Variants in TYK2 observed in about 807,000 individuals in gnomAD.
TYK2 encodes non-receptor tyrosine-protein kinase TYK2.
Under a neutral mutation model 130.9 loss-of-function variants are expected in TYK2, and 65 were observed. The ratio of observed to expected loss-of-function variants is 0.50; its 90% CI spans 0.41 to 0.61. The LOEUF (loss-of-function observed/expected upper bound fraction) is 0.61, where lower values mean the gene tolerates loss of function less well. Among genes scored for constraint, TYK2 ranks in the 20% least tolerant of loss-of-function variants. The pLI is 0.00. For synonymous variants in TYK2, 647 were observed against 658.9 expected, an observed-to-expected ratio of 0.98 and a Z score of 0.28; for missense variants, 1,378 against 1,610.7, an observed-to-expected ratio of 0.86 and a Z score of 2.47.
At chr19:10,370,169 G>A (rs947256969) in intron 3 of TYK2, among the ~76,000 whole-genome samples, 21 of 151,654 alleles carry the variant, frequency 1.4e-4, no homozygotes, top group Admixed American at 8.6e-4. Context: ...CGAGACCAGC[G>A]TGGCCAGCAT....
At position 10,365,797 on chromosome 19, in the gene TYK2, T is replaced by A. The variant is rs1027570271; in HGVS notation, c.731A>T (p.Asp244Val). Residue 244 changes from aspartate (D) to valine (V), a missense_variant, in exon 7 of 25, where the codon GAC becomes GTC. Asp to Val is a radical substitution (Grantham distance 152). Transcript: ENST00000525621. ...LRNVFRRFLR[D>V]FQPGRLSQQM... ...CTGGGAGAGTCGGCCCGGCTGGAAG[T>A]CCCGCAGGAACCTGCGGAAGACGTT... The A allele has an allele frequency of 6.2e-7, 1 of 1,612,206 alleles. No homozygotes were observed. Among genetic ancestry groups the A allele is most frequent in the Non-Finnish European group, 8.5e-7 (1 of 1,179,716 alleles).
Position 10,353,698 on chromosome 19 carries a change from G to T in TYK2, c.2909-52C>A. On this transcript the variant is annotated intron_variant, in intron 20 of 24. Coordinates refer to ENST00000525621, the MANE Select transcript of TYK2 (RefSeq NM_003331.5). The surrounding 1 kb of genome is among the most constrained non-coding windows in gnomAD (Gnocchi z 6.9). ...GGGGGACGATAGAGGGCGGGCCGGGGACCGCCTACCTTGAGCCCAGCAGAG... is the reference window on the plus strand; with the variant it reads ...GGGGGACGATAGAGGGCGGGCCGGGTACCGCCTACCTTGAGCCCAGCAGAG... The T allele has an allele frequency of 2.2e-6, 3 of 1,367,406 alleles. No homozygotes were observed. The highest frequency in any genetic ancestry group is 2.9e-6 in the Non-Finnish European group (3 of 1,023,154). The allele number at this position is 1,367,406 out of a possible 1,614,324, so 84.7% of individuals were successfully genotyped here. A position where few individuals can be genotyped will look rare whatever the true frequency, so the allele number is the denominator to read the frequency against.
intron 17 of TYK2, chr19:10,357,142 A>C (rs1412620966): frequency 2.6e-6 from 1 of 381,954 alleles, no homozygotes. Context: ...TAATCCCAGC[A>C]CTTTGGGAGG....
chr19:10,356,465 C>T, intron 18 of TYK2, 103 bp downstream of exon 18: 2 of 1,485,664 alleles, frequency 1.3e-6, no homozygotes, highest in Admixed American at 3.5e-5. Context: ...TTGGCACACA[C>T]CCTGAACCAC....
intron 15 of TYK2, 129 bp downstream of exon 15, chr19:10,359,046 G>A (rs962767024): frequency 5.5e-6 from 7 of 1,275,772 alleles, no homozygotes; most frequent in Non-Finnish European, 7.7e-6. Flanking sequence ...CTGGGTGACA[G>A]GGCGAAACTC....
intron 3 of TYK2, chr19:10,369,766 G>A (rs573024480): frequency 4.2e-5 from 19 of 453,180 alleles, no homozygotes; most frequent in South Asian, 7.8e-5. Context: ...CCTGTCGGCC[G>A]GGCGCAGTGG....
At chr19:10,352,263 C>CA (rs2040845223) in intron 23 of TYK2, among the ~76,000 whole-genome samples, 171 bp downstream of exon 23, 1 of 145,462 alleles carries the variant, frequency 6.9e-6, no homozygotes, top group Non-Finnish European at 1.5e-5. Context: ...TTAGTAGAGA[C>CA]GGGTTTCACC....
intron 5 of TYK2, among the ~76,000 whole-genome samples, chr19:10,367,254 C>T (rs2041703763): frequency 6.6e-6 from 1 of 152,094 alleles, no homozygotes; most frequent in South Asian, 2.1e-4. Context: ...GCCAAATACA[C>T]AGCATACACC....
intron 3 of TYK2, among the ~76,000 whole-genome samples, chr19:10,377,988 G>A (rs1215841217): frequency 2.2e-5 from 3 of 134,808 alleles, no homozygotes; most frequent in African/African-American, 8.5e-5. Flanking sequence ...GTGGATGGGT[G>A]GATGGGAGGA....
chr19:10,353,692 G>A lies in TYK2; in HGVS notation c.2909-46C>T. 7.3e-7 allele frequency: 1 copy of A among 1,364,254 alleles called. No homozygotes were observed. The highest frequency in any genetic ancestry group is 9.8e-7 in the Non-Finnish European group (1 of 1,018,152). The allele number at this position is 1,364,254 out of a possible 1,614,324, so 84.5% of individuals were successfully genotyped here. ...CCCGGTGGGGGACGATAGAGGGCGG[G>A]CCGGGGACCGCCTACCTTGAGCCCA... On this transcript the variant is annotated intron_variant, in intron 20 of 24. Coordinates refer to ENST00000525621, the MANE Select transcript of TYK2 (RefSeq NM_003331.5). The surrounding 1 kb of genome is among the most constrained non-coding windows in gnomAD (Gnocchi z 6.9).
intron 22 of TYK2, among the ~76,000 whole-genome samples, 176 bp downstream of exon 22, chr19:10,352,750 G>A (rs983073661): frequency 2.0e-5 from 3 of 152,136 alleles, no homozygotes; most frequent in African/African-American, 7.2e-5. Context: ...CGCCCACCAG[G>A]CCAAGCCGCA....
At chr19:10,366,664 T>G (rs1453235898) in intron 5 of TYK2, 84 bp from the exon 6 acceptor site, 133 of 1,447,560 alleles carry the variant, frequency 9.2e-5, no homozygotes, top group Non-Finnish European at 1.2e-4. Context: ...CTGGCTACCC[T>G]GGACCACACT....
intron 3 of TYK2, among the ~76,000 whole-genome samples, chr19:10,374,409 C>A (rs970627369): frequency 4.0e-5 from 6 of 149,700 alleles, no homozygotes; most frequent in Admixed American, 6.7e-5. Context: ...CATGGTGAAA[C>A]CCCCGTCTCT....
chr19:10,361,561 G>A lies in TYK2; in HGVS notation c.1997C>T (p.Ser666Phe). The change falls in exon 14 of 25, where the codon TCC (serine) becomes TTC (phenylalanine). Residue 666 changes from serine (S) to phenylalanine (F), a missense_variant. Coordinates refer to ENST00000525621, the MANE Select transcript of TYK2 (RefSeq NM_003331.5). The surrounding 1 kb of genome is among the most constrained non-coding windows in gnomAD (Gnocchi z 4.0). ...ATGCACGAAGGCCAGGTGCGTGTGG[G>A]AGACCTGGCTCATGAGGCTGGCTGT... ...YETASLMSQV[S>F]HTHLAFVHGV... The A allele has an allele frequency of 1.3e-6, 2 of 1,548,676 alleles. No individual in the cohort carries two copies. The highest frequency in any genetic ancestry group is 1.7e-4 in the Middle Eastern group (1 of 5,916).
At position 10,364,727 on chromosome 19, in the gene TYK2, C is replaced by T. The variant is rs201945206; in HGVS notation, c.1254G>A (p.Ser418=). ...TCAGGCGGAAATAGCCGTCCACCAG[C>T]GACACGAAGGACAGCGCCGCAGCCC... is the stretch of plus-strand genomic sequence containing the variant. ...PSRAAALSFV[S]LVDGYFRLTA... The change falls in exon 9 of 25, where the codon TCG becomes TCA. Residue 418 remains serine (S), a synonymous_variant. Coordinates refer to ENST00000525621, the MANE Select transcript of TYK2 (RefSeq NM_003331.5). This position sits in a 1 kb window ranked among gnomAD's most constrained non-coding sequence, Gnocchi z 4.9. 2.5e-5 allele frequency: 41 copies of T among 1,613,764 alleles called. No homozygotes were observed. The East Asian group carries it at 6.2e-4, about 25-fold the overall frequency.
At chr19:10,370,247 T>G (rs943037409) in intron 3 of TYK2, among the ~76,000 whole-genome samples, 4 of 151,202 alleles carry the variant, frequency 2.6e-5, no homozygotes, top group Non-Finnish European at 5.9e-5. Flanking sequence ...TAATTCCAGC[T>G]ACTTGGGAGG....
intron 3 of TYK2, among the ~76,000 whole-genome samples, chr19:10,372,296 GT>G (rs776320771): frequency 1.3e-3 from 175 of 129,918 alleles, no homozygotes; most frequent in East Asian, 3.8e-3. Context: ...CCCGGCCTGG[GT>G]TTTTTTTTTT....
chr19:10,369,709 A>C (rs1010950842), intron 3 of TYK2: 3 of 453,644 alleles, frequency 6.6e-6, no homozygotes, highest in African/African-American at 6.0e-5. Flanking sequence ...TTCCCACACC[A>C]GCTACCCAGG....
chr19:10,358,926 G>C (rs138688430), intron 15 of TYK2, among the ~76,000 whole-genome samples: 6 of 152,282 alleles, frequency 3.9e-5, no homozygotes, highest in African/African-American at 1.4e-4. Flanking sequence ...AGCTGGGCGT[G>C]ATGGCAGGAG....
Sources: gnomAD v4.1 joint callset for allele counts (sites outside exome capture counted in the v4.1 genomes callset) on GRCh38, gnomAD v4.1.1 for gene constraint, Gnocchi (gnomAD v3.1) non-coding constraint, MANE v1.5 for transcripts, NCBI Gene and HGNC (gene_info 2026-07-23, HGNC 2026-07-21) for gene names.